The following NCKAP5 variants were observed in gnomAD, a reference collection of about 807,000 sequenced individuals.
NCKAP5 encodes the protein NCK associated protein 5, also known as nck-associated protein 5.
Under a neutral mutation model 167.0 loss-of-function variants are expected in NCKAP5, and 92 were observed. That is an observed-to-expected ratio of 0.55 (90% confidence interval 0.47 to 0.66). NCKAP5 has a LOEUF of 0.66. NCKAP5 is among the 30% of genes least tolerant of loss of function. The probability of loss-of-function intolerance (pLI) is 0.00; values close to 1 mark genes in which losing one functional copy is unlikely to be tolerated. For missense variants in NCKAP5, 2,378 were observed against 2,315.0 expected (o/e 1.03, Z -0.56); for synonymous variants, 891 against 877.4 (o/e 1.02, Z -0.27).
At chr2:133,546,886 G>T (rs1359866542) in intron 2 of NCKAP5, among the ~76,000 whole-genome samples, 1 of 152,188 alleles carries the variant, frequency 6.6e-6, no homozygotes, top group Non-Finnish European at 1.5e-5. Flanking sequence ...CAAGATGGCC[G>T]AATAGGAACA....
the NCKAP5 span, among the ~76,000 whole-genome samples, chr2:133,625,983 T>C: frequency 6.6e-6 from 1 of 152,152 alleles, no homozygotes; most frequent in Non-Finnish European, 1.5e-5. Flanking sequence ...TTGGTCGCCA[T>C]TGGGGGACAC....
chr2:133,319,157 GC>G (rs980616904), intron 3 of NCKAP5, among the ~76,000 whole-genome samples: 1 of 79,766 alleles, frequency 1.3e-5, no homozygotes, highest in African/African-American at 4.8e-5. Flanking sequence ...CTCCCCCCCC[GC>G]CCCCTTCCAC....
At chr2:132,678,006 G>A (rs1054073715) in intron 19 of NCKAP5, among the ~76,000 whole-genome samples, 3 of 151,978 alleles carry the variant, frequency 2.0e-5, no homozygotes, top group East Asian at 3.9e-4. Context: ...ATTCACAGTA[G>A]TTTTTTTTAT....
Position 133,153,223 on chromosome 2 carries a change from A to G in NCKAP5, c.208-23112T>C, listed in dbSNP as rs138361252. On this transcript the variant is annotated intron_variant, in intron 5 of 19. Transcript: ENST00000409261. The stretch of plus-strand genomic sequence containing the variant: ...TGCTGTATATATGACATTTTTATAC[A>G]TTTGTCAAAACCCAGAGAACTATAT... Among the ~76,000 whole-genome samples, 30 of 152,316 alleles carry G rather than the reference A, an allele frequency of 2.0e-4. No individual in the cohort carries two copies. In the East Asian group the frequency reaches 3.7e-3, roughly 19 times the overall value.
intron 6 of NCKAP5, among the ~76,000 whole-genome samples, chr2:133,076,382 C>T (rs1006653923): frequency 6.6e-6 from 1 of 152,066 alleles, no homozygotes; most frequent in African/African-American, 2.4e-5. Flanking sequence ...GAACCCATAC[C>T]TCAGGGATGA....
rs111650886 is a variant in NCKAP5 at position 133,338,745 on chromosome 2, C to T, written c.70-35635G>A. Reference sequence around the variant, plus strand: ...GGCCATGGCCAGGCATGGTGGCTGACGCCTGTAATCCTAGCACTTTGGGAG... The same window carrying T: ...GGCCATGGCCAGGCATGGTGGCTGATGCCTGTAATCCTAGCACTTTGGGAG... On this transcript the variant is annotated intron_variant, in intron 3 of 19. Coordinates refer to ENST00000409261, the MANE Select transcript of NCKAP5 (RefSeq NM_207363.3). 1.0e-2 allele frequency among the ~76,000 whole-genome samples: 1,521 copies of T among 152,240 alleles called. 27 individuals carry two copies. Among genetic ancestry groups the T allele is most frequent in the African/African-American group, 0.032 (1,323 of 41,540 alleles).
chr2:132,925,884 C>A (rs576108135), intron 8 of NCKAP5, among the ~76,000 whole-genome samples: 11 of 152,262 alleles, frequency 7.2e-5, no homozygotes, highest in African/African-American at 2.4e-4. Flanking sequence ...TTTTACTAAT[C>A]TTTTCTAAAA....
chr2:133,092,430 G>A (rs1452459264), intron 6 of NCKAP5, among the ~76,000 whole-genome samples: 7 of 152,164 alleles, frequency 4.6e-5, no homozygotes, highest in African/African-American at 9.7e-5. Context: ...AAGGAACTCA[G>A]CCCTGCCAGC....
intron 3 of NCKAP5, among the ~76,000 whole-genome samples, chr2:133,317,043 C>T (rs1681655409): frequency 6.6e-6 from 1 of 152,156 alleles, no homozygotes; most frequent in Non-Finnish European, 1.5e-5. Context: ...GCATTTATTT[C>T]CCTGCCACTG....
the NCKAP5 span, among the ~76,000 whole-genome samples, chr2:133,578,335 C>T: frequency 3.3e-5 from 5 of 152,306 alleles, no homozygotes; most frequent in African/African-American, 1.2e-4. Context: ...GCAAATTGTG[C>T]AGTCTTTACA....
rs549844186 is a variant in NCKAP5, at chr2:133,389,739, C to A, written c.70-86629G>T. Among the ~76,000 whole-genome samples the A allele has an allele frequency of 3.2e-4, 49 of 152,332 alleles. 1 individual carries two copies. Among genetic ancestry groups the A allele is most frequent in the African/African-American group, 1.2e-3 (49 of 41,584 alleles). Reference sequence around the variant, plus strand: ...GCTTGTGCACACATTCGTGTGGGTGCAGGCCCGTGAGCTCACCCTCTCTCT... The same window carrying A: ...GCTTGTGCACACATTCGTGTGGGTGAAGGCCCGTGAGCTCACCCTCTCTCT... On this transcript the variant is annotated intron_variant, in intron 3 of 19. Coordinates refer to ENST00000409261, the MANE Select transcript of NCKAP5 (RefSeq NM_207363.3).
chr2:132,968,439 T>C (rs888648845), intron 7 of NCKAP5, among the ~76,000 whole-genome samples: 1 of 152,208 alleles, frequency 6.6e-6, no homozygotes, highest in Non-Finnish European at 1.5e-5. Flanking sequence ...AATTCAGTGC[T>C]TAGATTTTAC....
chr2:132,903,354 C>A (rs922472445), intron 8 of NCKAP5, among the ~76,000 whole-genome samples: 1 of 152,222 alleles, frequency 6.6e-6, no homozygotes, highest in African/African-American at 2.4e-5. Flanking sequence ...ATTTCCAACA[C>A]TGCAGAAAGT....
the NCKAP5 span, among the ~76,000 whole-genome samples, chr2:133,620,299 G>A: frequency 6.6e-6 from 1 of 151,934 alleles, no homozygotes; most frequent in African/African-American, 2.4e-5. Context: ...ATGAGAGAAT[G>A]GAGAATAATT....
Position 133,011,698 on chromosome 2 carries a change from C to T in NCKAP5, c.342-17459G>A, listed in dbSNP as rs973286049. On this transcript the variant is annotated intron_variant, in intron 6 of 19. Coordinates refer to ENST00000409261, the MANE Select transcript of NCKAP5 (RefSeq NM_207363.3). ...TTAATAAGCATGGCTATTTGAAGCA[C>T]ATCAATACAGAAGAAGGAGCTTGTA... Among the ~76,000 whole-genome samples, 8 of 152,302 alleles carry T rather than the reference C, an allele frequency of 5.3e-5. No homozygotes were observed. The South Asian group carries it at 1.7e-3, about 32-fold the overall frequency.
intron 8 of NCKAP5, among the ~76,000 whole-genome samples, chr2:132,927,608 C>T (rs568295790): frequency 6.6e-6 from 1 of 151,830 alleles, no homozygotes; most frequent in South Asian, 2.1e-4. Context: ...TCCCAGGGTT[C>T]TTTTGTTTGT....
chr2:133,330,944 T>A (rs144344982), intron 3 of NCKAP5, among the ~76,000 whole-genome samples: 50 of 152,268 alleles, frequency 3.3e-4, no homozygotes, highest in African/African-American at 1.2e-3. Flanking sequence ...TAAGCACATA[T>A]TAACTCATTT....
chr2:133,416,353 G>A lies in NCKAP5; in HGVS notation c.69+101105C>T, dbSNP rs192889208. Among the ~76,000 whole-genome samples the A allele has an allele frequency of 4.8e-3, 731 of 152,196 alleles. 4 individuals are homozygous for A. The highest frequency in any genetic ancestry group is 0.017 in the Middle Eastern group (5 of 294). ...ATGGGCTTAATAGAGATACCCTTTG[G>A]ATTTGTTTTTTAGAAATCATTTATC... On this transcript the variant is annotated intron_variant, in intron 3 of 19. Transcript: ENST00000409261.
intron 10 of NCKAP5, among the ~76,000 whole-genome samples, chr2:132,863,456 A>G: frequency 6.6e-6 from 1 of 151,942 alleles, no homozygotes; most frequent in East Asian, 1.9e-4. Flanking sequence ...GGTAAAAAAA[A>G]AAAAAAAAGA....
Sources: gnomAD v4.1 joint callset for allele counts (sites outside exome capture counted in the v4.1 genomes callset) on GRCh38, gnomAD v4.1.1 for gene constraint, MANE v1.5 for transcripts, NCBI Gene and HGNC (gene_info 2026-07-23, HGNC 2026-07-21) for gene names.